The following APP variants were observed in gnomAD, a reference collection of about 807,000 sequenced individuals.
APP encodes amyloid-beta precursor protein.
A neutral mutation model predicts 101.4 loss-of-function variants in APP; 31 were observed. The observed-to-expected ratio is 0.31, with a 90% confidence interval of 0.23 to 0.41. The LOEUF is 0.41. Ranked by LOEUF, APP falls within the 10% of genes least tolerant of loss-of-function variation. The pLI is 1.00. For synonymous variants in APP, 366 were observed against 364.4 expected (o/e 1.00, Z -0.05); for missense variants, 839 against 1,003.7 (o/e 0.84, Z 2.22).
At chr21:25,933,673 G>A (rs972607193) in intron 13 of APP, 1 of 152,052 alleles carries the variant, frequency 6.6e-6, no homozygotes, top group Admixed American at 6.6e-5. Flanking sequence ...TTCCAAGTGT[G>A]GTAAACATTA....
chr21:26,137,099 C>T (rs1175981498), intron 1 of APP, among the ~76,000 whole-genome samples: 1 of 152,140 alleles, frequency 6.6e-6, no homozygotes, highest in Non-Finnish European at 1.5e-5. Context: ...CGCCACCACA[C>T]CCAGCTAATT....
At chr21:25,949,523 T>TAA (rs1267509839) in intron 13 of APP, among the ~76,000 whole-genome samples, 1 of 152,190 alleles carries the variant, frequency 6.6e-6, no homozygotes, top group East Asian at 1.9e-4. Flanking sequence ...TGGTCAGGTC[T>TAA]TTAGGGTTAC....
At chr21:26,061,315 GTACT>G (rs1483794418) in intron 3 of APP, among the ~76,000 whole-genome samples, 3 of 152,100 alleles carry the variant, frequency 2.0e-5, no homozygotes, top group East Asian at 1.9e-4. Flanking sequence ...TGAGAATTAT[GTACT>G]TACTAACTTG....
intron 2 of APP, among the ~76,000 whole-genome samples, chr21:26,100,951 T>C (rs1243392254): frequency 6.6e-6 from 1 of 152,174 alleles, no homozygotes; most frequent in Non-Finnish European, 1.5e-5. Flanking sequence ...TCCAGAGACC[T>C]GCCCTGCAGT....
intron 5 of APP, among the ~76,000 whole-genome samples, chr21:26,035,711 C>A (rs1299813612): frequency 6.6e-6 from 1 of 152,104 alleles, no homozygotes; most frequent in Non-Finnish European, 1.5e-5. Flanking sequence ...GGCTGCTGTA[C>A]AGAGAATGGC....
intron 6 of APP, among the ~76,000 whole-genome samples, chr21:26,001,915 C>T (rs2043314349): frequency 1.1e-4 from 2 of 18,476 alleles, no homozygotes; most frequent in African/African-American, 2.0e-4. Context: ...GGGATATGGT[C>T]CCTAGACCCA....
chr21:26,052,224 G>A (rs1293587771), intron 4 of APP, among the ~76,000 whole-genome samples: 2 of 152,152 alleles, frequency 1.3e-5, no homozygotes, highest in Non-Finnish European at 2.9e-5. Context: ...TGATGTTTTG[G>A]ACTGCCTAAT....
chr21:26,122,727 T>A (rs1978925892), intron 1 of APP, among the ~76,000 whole-genome samples: 1 of 151,858 alleles, frequency 6.6e-6, no homozygotes, highest in Non-Finnish European at 1.5e-5. Flanking sequence ...TAAAATTTTT[T>A]ATTAGAAGAT....
intron 5 of APP, among the ~76,000 whole-genome samples, chr21:26,027,364 C>T (rs2044626062): frequency 6.6e-6 from 1 of 152,176 alleles, no homozygotes; most frequent in South Asian, 2.1e-4. Context: ...CTCCTTCTCT[C>T]TGTCTCAACT....
chr21:25,975,236 C>T lies in APP; in HGVS notation c.1300-8G>A. 1 of 1,614,162 alleles carries T rather than the reference C, an allele frequency of 6.2e-7. No individual in the cohort carries two copies. The highest frequency in any genetic ancestry group is 2.2e-5 in the East Asian group (1 of 44,876). Reference sequence around the variant, plus strand: ...CACTTTCTCCTGGAAATGCTGCCATCATAAACACATATGTCCATGGGGACT... The same window carrying T: ...CACTTTCTCCTGGAAATGCTGCCATTATAAACACATATGTCCATGGGGACT... On this transcript the variant is annotated splice_region_variant and splice_polypyrimidine_tract_variant and intron_variant, in intron 10 of 17. Coordinates refer to ENST00000346798, the MANE Select transcript of APP (RefSeq NM_000484.4).
chr21:26,086,237 C>T (rs1330621072), intron 3 of APP, among the ~76,000 whole-genome samples: 1 of 152,070 alleles, frequency 6.6e-6, no homozygotes, highest in Admixed American at 6.6e-5. Context: ...TGAATCTTAC[C>T]CTCTGGTTCC....
At chr21:26,075,354 T>C (rs1190325974) in intron 3 of APP, among the ~76,000 whole-genome samples, 1 of 152,164 alleles carries the variant, frequency 6.6e-6, no homozygotes, top group Non-Finnish European at 1.5e-5. Context: ...ATGCACTACT[T>C]ATTCACAATA....
In APP at chr21:26,148,349, A is replaced by T. The variant is rs541410373; in HGVS notation, c.57+22215T>A. Among the ~76,000 whole-genome samples the T allele has an allele frequency of 1.2e-4, 18 of 152,322 alleles. No homozygotes were observed. The South Asian group carries it at 3.7e-3, about 32-fold the overall frequency. On this transcript the variant is annotated intron_variant, in intron 1 of 17. Coordinates refer to ENST00000346798, the MANE Select transcript of APP (RefSeq NM_000484.4). ...TGAAAACACAAGGAGGGGCAGGACT[A>T]GGGCAGGAGAGTAGATGGAGAGAGC...
intron 5 of APP, among the ~76,000 whole-genome samples, chr21:26,044,664 C>T (rs1293043755): frequency 3.3e-5 from 5 of 152,090 alleles, no homozygotes; most frequent in Non-Finnish European, 7.4e-5. Context: ...CTCAGCCTCC[C>T]GAGTAGCTGG....
chr21:26,049,656 G>C (rs1047612284), intron 5 of APP, among the ~76,000 whole-genome samples: 1 of 152,184 alleles, frequency 6.6e-6, no homozygotes, highest in African/African-American at 2.4e-5. Context: ...TCCTAGCTAT[G>C]GAGAATTGAC....
chr21:25,990,795 A>AT (rs2042829839), intron 8 of APP, among the ~76,000 whole-genome samples: 1 of 126 alleles, frequency 7.9e-3, no homozygotes, highest in Non-Finnish European at 0.013. Flanking sequence ...TAATAAAATT[A>AT]TCAGGTATTG....
At chr21:26,014,336 AAC>A (rs2043957661) in intron 6 of APP, among the ~76,000 whole-genome samples, 1 of 152,250 alleles carries the variant, frequency 6.6e-6, no homozygotes, top group Non-Finnish European at 1.5e-5. Flanking sequence ...AACAAGTAAC[AAC>A]AGAGGCATGA....
intron 9 of APP, among the ~76,000 whole-genome samples, chr21:25,981,115 C>T (rs1301356842): frequency 2.6e-5 from 4 of 152,022 alleles, no homozygotes; most frequent in Non-Finnish European, 5.9e-5. Context: ...GACTGGTTTG[C>T]ATGGGAAAGA....
At chr21:25,973,164 C>CAAA (rs34239681) in intron 11 of APP, among the ~76,000 whole-genome samples, 25,493 of 146,292 alleles carry the variant, frequency 0.17, 2,266 homozygotes, top group South Asian at 0.32. Context: ...CTAATTAATC[C>CAAA]AAAAAAAAAA....
Sources: allele counts gnomAD v4.1 joint callset (sites outside exome capture counted in the v4.1 genomes callset), GRCh38; gene constraint gnomAD v4.1.1; transcripts MANE v1.5; gene names NCBI Gene and HGNC (gene_info 2026-07-23, HGNC 2026-07-21).